EPB41L1: variants seen among roughly 807,000 people sequenced by gnomAD.
The protein encoded by EPB41L1 is erythrocyte membrane protein band 4.1 like 1.
A neutral mutation model predicts 97.8 loss-of-function variants in EPB41L1; 29 were observed. The ratio of observed to expected loss-of-function variants is 0.30; its 90% CI spans 0.22 to 0.40. The LOEUF is 0.40. Ranked by LOEUF, EPB41L1 falls within the 10% of genes least tolerant of loss-of-function variation. The pLI is 1.00. For missense variants in EPB41L1, 812 were observed against 1,162.3 expected, an observed-to-expected ratio of 0.70 and a Z score of 4.38; for synonymous variants, 383 against 459.2, an observed-to-expected ratio of 0.83 and a Z score of 2.12.
chr20:36,173,884 G>A lies in EPB41L1; in HGVS notation c.107G>A (p.Gly36Asp), dbSNP rs1452615518. The A allele has an allele frequency of 2.5e-6, 4 of 1,613,978 alleles. No individual in the cohort carries two copies. The South Asian group carries it at 4.4e-5, about 18-fold the overall frequency. ...AAVTTPVTPA[G>D]HGHPEANSNE... ...GTGACCACCCCTGTGACCCCTGCAG[G>A]CCACGGCCACCCAGAGGCCAACTCC... Residue 36 changes from glycine (G) to aspartate (D), a missense_variant, in exon 2 of 22, where the codon GGC (glycine) becomes GAC (aspartate). Transcript: ENST00000338074.
intron 21 of EPB41L1, among the ~76,000 whole-genome samples, chr20:36,226,952 C>A (rs756299594): frequency 6.6e-6 from 1 of 152,094 alleles, no homozygotes; most frequent in Non-Finnish European, 1.5e-5. Context: ...AAACCAAAAC[C>A]AATGCCCAGT....
At position 36,221,936 on chromosome 20, in the gene EPB41L1, C is replaced by G. The variant is rs751060862; in HGVS notation, c.2512C>G (p.Gln838Glu). The G allele has an allele frequency of 6.2e-7, 1 of 1,614,156 alleles. No individual in the cohort carries two copies. The highest frequency in any genetic ancestry group is 1.1e-5 in the South Asian group (1 of 91,078). Residue 838 changes from glutamine to glutamate, a missense_variant, in exon 20 of 22, where the codon CAA (glutamine) becomes GAA (glutamate). Around this residue, in one of 3 missense-constraint regions of EPB41L1, gnomAD observed 498 missense variants for 622.7 expected, o/e 0.80. Transcript: ENST00000338074. ...IIITGDEDVD[Q>E]DQALALAIKE... ...CATTACTGGGGATGAAGATGTCGAT[C>G]AAGACCAGGTATGGGGGTAGCAACC...
chr20:36,178,177 A>G, intron 4 of EPB41L1, 121 bp downstream of exon 4: 1 of 792,230 alleles, frequency 1.3e-6, no homozygotes, highest in Non-Finnish European at 2.2e-6. Flanking sequence ...GCGTGTCCCC[A>G]AGGCTCAACC....
At chr20:36,225,814 TCATCCTGGCCTCCA>T (rs1295712572) in intron 21 of EPB41L1, among the ~76,000 whole-genome samples, 1 of 152,088 alleles carries the variant, frequency 6.6e-6, no homozygotes, top group Non-Finnish European at 1.5e-5. Context: ...TTCAGAGCCC[TCATCCTGGCCTCCA>T]CATCCTGCCC....
chr20:36,180,811 A>G (rs539150839), intron 5 of EPB41L1, among the ~76,000 whole-genome samples: 2 of 152,076 alleles, frequency 1.3e-5, no homozygotes, highest in South Asian at 4.1e-4. Flanking sequence ...ATTATTCCTG[A>G]GGTAGGAATT....
At chr20:36,137,840 A>G (rs550715979) in intron 2 of EPB41L1, among the ~76,000 whole-genome samples, 29 of 152,142 alleles carry the variant, frequency 1.9e-4, no homozygotes, top group Non-Finnish European at 4.3e-4. Flanking sequence ...TTTAATATGA[A>G]AAAAGTGAAA....
intron 2 of EPB41L1, among the ~76,000 whole-genome samples, chr20:36,139,503 A>G (rs2147814709): frequency 6.6e-6 from 1 of 152,320 alleles, no homozygotes; most frequent in South Asian, 2.1e-4. Context: ...CTGTGAACCC[A>G]TTGCCTAGGT....
chr20:36,227,427 C>T (rs1601134478), intron 21 of EPB41L1, among the ~76,000 whole-genome samples: 1 of 152,362 alleles, frequency 6.6e-6, no homozygotes, highest in African/African-American at 2.4e-5. Context: ...TCTCTGACCT[C>T]AGTTTCCTCA....
intron 1 of EPB41L1, among the ~76,000 whole-genome samples, chr20:36,157,384 T>C (rs572195211): frequency 5.3e-5 from 8 of 152,328 alleles, no homozygotes; most frequent in Middle Eastern, 3.4e-3. Flanking sequence ...TAGATGTGAT[T>C]AATTATCCAC....
chr20:36,181,642 G>A (rs141568302), intron 5 of EPB41L1, among the ~76,000 whole-genome samples: 3 of 152,146 alleles, frequency 2.0e-5, no homozygotes, highest in Non-Finnish European at 4.4e-5. Context: ...TAATCTTTCA[G>A]GATGCTCTGT....
upstream of EPB41L1, chr20:36,151,594 G>GA (rs1416455129): frequency 6.6e-6 from 1 of 152,202 alleles, no homozygotes; most frequent in African/African-American, 2.4e-5. Flanking sequence ...CCTGCCTGGG[G>GA]AATGAAAACA....
Position 36,222,264 on chromosome 20 carries a change from T to C in EPB41L1, c.2521-14T>C, listed in dbSNP as rs2063827031. ...TAGTTCATGGTTCCTTCCTTTGCTG[T>C]TCTTTACCACCAGGCCCTGGCTTTG... is the stretch of plus-strand genomic sequence containing the variant. On this transcript the variant is annotated splice_polypyrimidine_tract_variant and intron_variant, in intron 20 of 21. Transcript: ENST00000338074. 1 of 1,606,726 alleles carries C rather than the reference T, an allele frequency of 6.2e-7. No homozygotes were observed. The highest frequency in any genetic ancestry group is 1.1e-5 in the South Asian group (1 of 90,916).
intron 2 of EPB41L1, among the ~76,000 whole-genome samples, chr20:36,125,850 C>G (rs1291037954): frequency 6.6e-6 from 1 of 152,012 alleles, no homozygotes; most frequent in Non-Finnish European, 1.5e-5. Context: ...TTGGTGTGGC[C>G]TGGTGAGAAG....
In EPB41L1 at chr20:36,173,673, T is replaced by C. The variant is rs1600732825; in HGVS notation, c.-14-91T>C. The C allele has an allele frequency of 3.4e-6, 4 of 1,185,840 alleles. No homozygotes were observed. The East Asian group carries it at 9.4e-5, about 28-fold the overall frequency. 73.5% of individuals were successfully genotyped at this position (1,185,840 alleles called of 1,614,324 possible). A position where few individuals can be genotyped will look rare whatever the true frequency, so the allele number is the denominator to read the frequency against. On this transcript the variant is annotated intron_variant, in intron 1 of 21. Coordinates refer to ENST00000338074, the MANE Select transcript of EPB41L1 (RefSeq NM_012156.2). ...GTGACTCTTTGTCCGTTTGCCTCCA[T>C]CTGTCTCTCTCCGCGTGTGGTTCCT...
rs1427466463 is a variant in EPB41L1 at position 36,163,494 on chromosome 20, C to T, written c.-15+8598C>T. Among the ~76,000 whole-genome samples, 4 of 152,198 alleles carry T rather than the reference C, an allele frequency of 2.6e-5. No individual in the cohort carries two copies. In the East Asian group the frequency reaches 7.7e-4, roughly 29 times the overall value. On this transcript the variant is annotated intron_variant, in intron 1 of 21. Coordinates refer to ENST00000338074, the MANE Select transcript of EPB41L1 (RefSeq NM_012156.2). ...TTCCTTGACTTCTTAGCTTATTCTG[C>T]CTCTTCTCAGGCTCCCCTTATCCTA...
At chr20:36,223,032 G>A (rs1295634962) in intron 21 of EPB41L1, among the ~76,000 whole-genome samples, 1 of 152,198 alleles carries the variant, frequency 6.6e-6, no homozygotes, top group Non-Finnish European at 1.5e-5. Flanking sequence ...GAGCAGCTGG[G>A]ACCACAGGCG....
intron 2 of EPB41L1, among the ~76,000 whole-genome samples, chr20:36,138,430 T>C (rs1350871264): frequency 6.6e-6 from 1 of 151,890 alleles, no homozygotes; most frequent in Non-Finnish European, 1.5e-5. Context: ...CGCCCGCTAA[T>C]TTTTGCATTT....
chr20:36,190,832 G>A lies in EPB41L1; in HGVS notation c.1300+35G>A. On this transcript the variant is annotated intron_variant, in intron 11 of 21. Coordinates refer to ENST00000338074, the MANE Select transcript of EPB41L1 (RefSeq NM_012156.2). This position sits in a 1 kb window ranked among gnomAD's most constrained non-coding sequence, Gnocchi z 5.8. ...AAATTGGAGGGCTGGGCGGGGAATGGTCTTCAGAGGGAACTGGGGGAGTGG... is the reference window on the plus strand; with the variant it reads ...AAATTGGAGGGCTGGGCGGGGAATGATCTTCAGAGGGAACTGGGGGAGTGG... 1 of 1,609,158 alleles carries A rather than the reference G, an allele frequency of 6.2e-7. No individual in the cohort carries two copies. Among genetic ancestry groups the A allele is most frequent in the Non-Finnish European group, 8.5e-7 (1 of 1,179,574 alleles).
chr20:36,107,217 T>G (rs865805408), intron 1 of EPB41L1, among the ~76,000 whole-genome samples: 1 of 146,024 alleles, frequency 6.8e-6, no homozygotes, highest in African/African-American at 2.5e-5. Flanking sequence ...ATACCTTTTT[T>G]TTTTTTTTTT....
Sources: gnomAD v4.1 joint callset for allele counts (sites outside exome capture counted in the v4.1 genomes callset) on GRCh38, gnomAD v4.1.1 for gene constraint, gnomAD v4.1.1 regional missense constraint, Gnocchi (gnomAD v3.1) non-coding constraint, MANE v1.5 for transcripts, NCBI Gene and HGNC (gene_info 2026-07-23, HGNC 2026-07-21) for gene names.